The following PPP1R12B variants were observed in gnomAD, a reference collection of about 807,000 sequenced individuals.
PPP1R12B encodes protein phosphatase 1 regulatory subunit 12B.
PPP1R12B carries 76 observed loss-of-function variants against 126.1 expected under a neutral mutation model. The ratio of observed to expected loss-of-function variants is 0.60; its 90% CI spans 0.50 to 0.73. The LOEUF is 0.73. Among genes scored for constraint, PPP1R12B ranks in the 30% least tolerant of loss-of-function variants. The pLI, the probability that PPP1R12B is intolerant of heterozygous loss-of-function variation, is 0.00. For missense variants in PPP1R12B, 1,052 were observed against 1,205.1 expected (o/e 0.87, Z 1.88); for synonymous variants, 356 against 434.7 (o/e 0.82, Z 2.25).
At chr1:202,407,912 T>G (rs1666836234) in intron 1 of PPP1R12B, among the ~76,000 whole-genome samples, 1 of 151,966 alleles carries the variant, frequency 6.6e-6, no homozygotes, top group South Asian at 2.1e-4. Context: ...AAATAAAAAT[T>G]TAATATTAAT....
chr1:202,390,470 A>G (rs1480066447), intron 1 of PPP1R12B, among the ~76,000 whole-genome samples: 1 of 152,176 alleles, frequency 6.6e-6, no homozygotes, highest in Non-Finnish European at 1.5e-5. Context: ...AAAAGAAAAA[A>G]TAATTTGAAT....
chr1:202,443,412 T>C (rs930073298), intron 12 of PPP1R12B, among the ~76,000 whole-genome samples: 3 of 152,248 alleles, frequency 2.0e-5, no homozygotes, highest in Non-Finnish European at 4.4e-5. Flanking sequence ...CTAGACTAGA[T>C]GAACACATTA....
At chr1:202,384,572 T>C (rs1433629801) in intron 1 of PPP1R12B, among the ~76,000 whole-genome samples, 9 of 152,156 alleles carry the variant, frequency 5.9e-5, no homozygotes. Flanking sequence ...TGGAAAGTGA[T>C]TGCTAATGGA....
At chr1:202,542,708 C>T (rs1344813802) in intron 18 of PPP1R12B, among the ~76,000 whole-genome samples, 1 of 152,128 alleles carries the variant, frequency 6.6e-6, no homozygotes, top group Non-Finnish European at 1.5e-5. Context: ...CTCTCTGGGA[C>T]CATGGAGCCC....
chr1:202,377,460 G>A (rs1398426844), intron 1 of PPP1R12B, among the ~76,000 whole-genome samples: 2 of 151,658 alleles, frequency 1.3e-5, no homozygotes, highest in East Asian at 1.9e-4. Context: ...CCGCCACCAC[G>A]CCCGGCTAAT....
At chr1:202,465,086 A>T (rs1325238322) in intron 13 of PPP1R12B, among the ~76,000 whole-genome samples, 1 of 152,204 alleles carries the variant, frequency 6.6e-6, no homozygotes, top group African/African-American at 2.4e-5. Context: ...ACCCTGCTAG[A>T]TGCATTTAAT....
chr1:202,528,729 T>C (rs72748790), intron 18 of PPP1R12B, among the ~76,000 whole-genome samples: 1 of 151,886 alleles, frequency 6.6e-6, no homozygotes, highest in Non-Finnish European at 1.5e-5. Flanking sequence ...GAAAGGTTTT[T>C]TTTTTGTTTT....
rs1553332026 is a variant in PPP1R12B at position 202,588,824 on chromosome 1, A to AAGATAGACAGAT, written c.*8271_*8272insCAGATAGATAGA. ...CTAGATTGGCGTTCAAAAGAACCGT[A>AAGATAGACAGAT]AGATAGATAGATAGATAGATAGATA... On this transcript the variant is annotated 3_prime_UTR_variant, in exon 24 of 24. Coordinates refer to ENST00000608999, the MANE Select transcript of PPP1R12B (RefSeq NM_002481.4). 1 of 144,124 alleles carries AAGATAGACAGAT rather than the reference A, an allele frequency of 6.9e-6. No individual in the cohort carries two copies. The highest frequency in any genetic ancestry group is 2.0e-4 in the East Asian group (1 of 4,908). The allele number at this position is 144,124 out of a possible 1,614,324, so 8.9% of individuals were successfully genotyped here. A position where few individuals can be genotyped will look rare whatever the true frequency, so the allele number is the denominator to read the frequency against.
chr1:202,379,455 C>T (rs974556495), intron 1 of PPP1R12B, among the ~76,000 whole-genome samples: 35 of 152,138 alleles, frequency 2.3e-4, no homozygotes, highest in African/African-American at 7.7e-4. Flanking sequence ...TTGCTCCCTC[C>T]GTCCCCATCT....
In PPP1R12B at chr1:202,419,211, AC is replaced by A. The variant is rs1668464383; in HGVS notation, c.422+2297del. 6.6e-6 allele frequency among the ~76,000 whole-genome samples: 1 copy of A among 152,096 alleles called. No homozygotes were observed. Among genetic ancestry groups the A allele is most frequent in the South Asian group, 2.1e-4 (1 of 4,838 alleles). ...TGTTTCACTTAGAAGCAGCAGATTG[AC>A]CCAAACATACATCATTTGGCTTTAT... On this transcript the variant is annotated intron_variant, in intron 2 of 23. Transcript: ENST00000608999. This position sits in a 1 kb window ranked among gnomAD's most constrained non-coding sequence, Gnocchi z 4.6.
chr1:202,438,506 A>T, intron 10 of PPP1R12B: 2 of 407,548 alleles, frequency 4.9e-6, no homozygotes, highest in Non-Finnish European at 9.4e-6. Context: ...GAGGGCGAGG[A>T]GGAAGATGAC....
chr1:202,479,779 T>G (rs1241504053), intron 13 of PPP1R12B, among the ~76,000 whole-genome samples: 6 of 152,194 alleles, frequency 3.9e-5, no homozygotes, highest in African/African-American at 1.4e-4. Flanking sequence ...AAATGCAGAT[T>G]ATCAAACCCC....
chr1:202,514,477 G>GTGTCCTCGTCATGAAATCTT (rs1681883046), intron 18 of PPP1R12B, among the ~76,000 whole-genome samples: 1 of 152,118 alleles, frequency 6.6e-6, no homozygotes, highest in Non-Finnish European at 1.5e-5. Flanking sequence ...ATTGCTTTTG[G>GTGTCCTCGTCATGAAATCTT]TGTCCTCGTC....
intron 13 of PPP1R12B, chr1:202,471,958 C>T: frequency 2.5e-6 from 4 of 1,597,054 alleles, no homozygotes; most frequent in Middle Eastern, 2.3e-4. Context: ...ACACACAAAA[C>T]TACCGTTTGT....
At chr1:202,497,027 G>A (rs1440696435) in intron 18 of PPP1R12B, among the ~76,000 whole-genome samples, 3 of 152,192 alleles carry the variant, frequency 2.0e-5, no homozygotes, top group Non-Finnish European at 2.9e-5. Flanking sequence ...TCTTGAAGCA[G>A]TTTCCTACAT....
At chr1:202,370,808 G>A (rs1282656544) in intron 1 of PPP1R12B, among the ~76,000 whole-genome samples, 1 of 152,074 alleles carries the variant, frequency 6.6e-6, no homozygotes, top group Non-Finnish European at 1.5e-5. Flanking sequence ...AAAGTGCTGG[G>A]ATTACAGGCA....
intron 12 of PPP1R12B, 25 bp from the exon 13 acceptor site, chr1:202,448,964 C>A (rs769069057): frequency 4.8e-5 from 77 of 1,609,312 alleles, no homozygotes; most frequent in Non-Finnish European, 6.5e-5. Flanking sequence ...CATTTCCTTT[C>A]TGCTTGTATC....
intron 18 of PPP1R12B, among the ~76,000 whole-genome samples, chr1:202,517,969 A>G (rs1370461218): frequency 6.6e-6 from 1 of 152,216 alleles, no homozygotes; most frequent in Non-Finnish European, 1.5e-5. Context: ...AAGACTTTGA[A>G]AAGATAATGC....
chr1:202,437,808 G>T lies in PPP1R12B; in HGVS notation c.1255-13G>T, dbSNP rs1308754088. 6.3e-7 allele frequency: 1 copy of T among 1,576,288 alleles called. No individual in the cohort carries two copies. The highest frequency in any genetic ancestry group is 1.4e-5 in the African/African-American group (1 of 72,872). ...CCTTTATTTTTCATTTCTTTTATTT[G>T]CTTCTCTCATAGTTCTCTTCTGGCC... On this transcript the variant is annotated splice_polypyrimidine_tract_variant and intron_variant, in intron 9 of 23. Coordinates refer to ENST00000608999, the MANE Select transcript of PPP1R12B (RefSeq NM_002481.4).
Sources: allele counts gnomAD v4.1 joint callset (sites outside exome capture counted in the v4.1 genomes callset), GRCh38; gene constraint gnomAD v4.1.1; non-coding constraint Gnocchi (gnomAD v3.1); transcripts MANE v1.5; gene names NCBI Gene and HGNC (gene_info 2026-07-23, HGNC 2026-07-21).